Variants in PPP1R12B observed in about 807,000 individuals in gnomAD.
PPP1R12B encodes the protein protein phosphatase 1 regulatory subunit 12B.
Under a neutral mutation model 126.1 loss-of-function variants are expected in PPP1R12B, and 76 were observed. That is an observed-to-expected ratio of 0.60 (90% CI 0.50 to 0.73). The LOEUF is 0.73. PPP1R12B is among the 30% of genes least tolerant of loss of function. PPP1R12B has a pLI of 0.00. For missense variants in PPP1R12B, 1,052 were observed against 1,205.1 expected, an observed-to-expected ratio of 0.87 and a Z score of 1.88; for synonymous variants, 356 against 434.7, an observed-to-expected ratio of 0.82 and a Z score of 2.25.
At chr1:202,547,879 G>GAGCC (rs1170720748) in intron 18 of PPP1R12B, among the ~76,000 whole-genome samples, 1 of 152,182 alleles carries the variant, frequency 6.6e-6, no homozygotes, top group East Asian at 1.9e-4. Context: ...AACATTGGGA[G>GAGCC]AGCCAAAAGA....
At chr1:202,502,370 A>G (rs1558307883) in intron 18 of PPP1R12B, 1 of 985,052 alleles carries the variant, frequency 1.0e-6, no homozygotes, top group Non-Finnish European at 1.2e-6. Flanking sequence ...ACACAATTGG[A>G]ATTTGCTAGC....
chr1:202,414,728 A>G (rs1667838798), intron 1 of PPP1R12B, among the ~76,000 whole-genome samples: 1 of 152,176 alleles, frequency 6.6e-6, no homozygotes, highest in Non-Finnish European at 1.5e-5. Flanking sequence ...TTTGATTTTA[A>G]AAAGTGGCTA....
chr1:202,559,732 C>A (rs1384167308), intron 19 of PPP1R12B, among the ~76,000 whole-genome samples: 1 of 152,088 alleles, frequency 6.6e-6, no homozygotes, highest in Admixed American at 6.6e-5. Flanking sequence ...TTAATATATT[C>A]TAATGTTCTT....
At chr1:202,384,890 T>C (rs1235346953) in intron 1 of PPP1R12B, among the ~76,000 whole-genome samples, 1 of 152,248 alleles carries the variant, frequency 6.6e-6, no homozygotes, top group African/African-American at 2.4e-5. Flanking sequence ...GCTATGCCAG[T>C]GTACACTTCC....
At chr1:202,367,109 T>C (rs1431410444) in intron 1 of PPP1R12B, among the ~76,000 whole-genome samples, 1 of 152,232 alleles carries the variant, frequency 6.6e-6, no homozygotes, top group Non-Finnish European at 1.5e-5. Flanking sequence ...TACAAAATTT[T>C]ATTCAGAAGA....
chr1:202,426,336 G>C (rs1173175908), intron 4 of PPP1R12B, among the ~76,000 whole-genome samples: 1 of 152,068 alleles, frequency 6.6e-6, no homozygotes. Flanking sequence ...CCTAATGCAG[G>C]GTTTTTAATA....
chr1:202,464,242 G>T (rs1287623636), intron 13 of PPP1R12B, among the ~76,000 whole-genome samples: 1 of 151,946 alleles, frequency 6.6e-6, no homozygotes, highest in Non-Finnish European at 1.5e-5. Flanking sequence ...GCTTCTTTAG[G>T]GTGCTTTTAA....
chr1:202,358,575 G>A (rs1336784368), intron 1 of PPP1R12B, among the ~76,000 whole-genome samples: 2 of 152,088 alleles, frequency 1.3e-5, no homozygotes, highest in African/African-American at 2.4e-5. Context: ...CCAGCTACTC[G>A]GGAGACTGAG....
intron 18 of PPP1R12B, among the ~76,000 whole-genome samples, chr1:202,551,102 G>A (rs1686269641): frequency 6.6e-6 from 1 of 152,128 alleles, no homozygotes; most frequent in African/African-American, 2.4e-5. Flanking sequence ...AGTGATATGT[G>A]CTGCAATATG....
At chr1:202,428,832 A>G in intron 5 of PPP1R12B, 23 bp from the exon 6 acceptor site, 2 of 1,595,656 alleles carry the variant, frequency 1.3e-6, no homozygotes, top group Non-Finnish European at 1.7e-6. Flanking sequence ...TCTATCAGTC[A>G]TGGTGCTCCT....
chr1:202,456,090 GA>G (rs1470966487), intron 13 of PPP1R12B, among the ~76,000 whole-genome samples: 1 of 151,952 alleles, frequency 6.6e-6, no homozygotes, highest in African/African-American at 2.4e-5. Flanking sequence ...CCAACACAGT[GA>G]AATCCCGTCT....
chr1:202,497,293 T>A (rs1679678282), intron 18 of PPP1R12B, among the ~76,000 whole-genome samples: 1 of 152,204 alleles, frequency 6.6e-6, no homozygotes, highest in Admixed American at 6.5e-5. Flanking sequence ...CTCTGCCCTT[T>A]TAAGGCCTGA....
At chr1:202,548,276 A>G (rs1685858940) in intron 18 of PPP1R12B, among the ~76,000 whole-genome samples, 1 of 152,244 alleles carries the variant, frequency 6.6e-6, no homozygotes. Flanking sequence ...GATGACGACA[A>G]CAAAAGCTAT....
At chr1:202,497,329 G>A (rs1679684512) in intron 18 of PPP1R12B, among the ~76,000 whole-genome samples, 1 of 152,138 alleles carries the variant, frequency 6.6e-6, no homozygotes, top group Non-Finnish European at 1.5e-5. Flanking sequence ...TGCAGTGAAA[G>A]GCCTAAGTTC....
At chr1:202,436,595 A>G (rs1670850137) in intron 9 of PPP1R12B, among the ~76,000 whole-genome samples, 1 of 152,226 alleles carries the variant, frequency 6.6e-6, no homozygotes, top group East Asian at 1.9e-4. Context: ...CTTGTGTTCC[A>G]GAGACTAGCT....
intron 1 of PPP1R12B, among the ~76,000 whole-genome samples, chr1:202,413,333 T>G (rs1245327879): frequency 6.6e-6 from 1 of 152,196 alleles, no homozygotes; most frequent in Non-Finnish European, 1.5e-5. Context: ...AGGATTGATA[T>G]GAGGTTTATC....
rs1667571959 is a variant in PPP1R12B at position 202,412,754 on chromosome 1, C to T, written c.292-4033C>T. ...AAAATTCTTTTTTCTTATTGGACTTCAGTACCTTTTTGAAAGTGTCCCCTT... is the reference window on the plus strand; with the variant it reads ...AAAATTCTTTTTTCTTATTGGACTTTAGTACCTTTTTGAAAGTGTCCCCTT... On this transcript the variant is annotated intron_variant, in intron 1 of 23. Coordinates refer to ENST00000608999, the MANE Select transcript of PPP1R12B (RefSeq NM_002481.4). 2.6e-5 allele frequency among the ~76,000 whole-genome samples: 4 copies of T among 152,088 alleles called. No homozygotes were observed. The South Asian group carries it at 8.3e-4, about 32-fold the overall frequency.
chr1:202,464,105 G>T (rs1374127095), intron 13 of PPP1R12B, among the ~76,000 whole-genome samples: 2 of 152,098 alleles, frequency 1.3e-5, no homozygotes, highest in Non-Finnish European at 2.9e-5. Flanking sequence ...TGACTACCCT[G>T]CTACACCTGA....
At chr1:202,545,844 C>T (rs1685599036) in intron 18 of PPP1R12B, among the ~76,000 whole-genome samples, 2 of 152,154 alleles carry the variant, frequency 1.3e-5, no homozygotes, top group South Asian at 4.1e-4. Flanking sequence ...TGGCATTATT[C>T]TGAGAGCTGC....
Sources: gnomAD v4.1 joint callset for allele counts (sites outside exome capture counted in the v4.1 genomes callset) on GRCh38, gnomAD v4.1.1 for gene constraint, MANE v1.5 for transcripts, NCBI Gene and HGNC (gene_info 2026-07-23, HGNC 2026-07-21) for gene names.